The following CDCA5 variants were observed in gnomAD, a reference collection of about 807,000 sequenced individuals.
The protein encoded by CDCA5 is cell division cycle associated 5, also known as sororin.
Under a neutral mutation model 25.7 loss-of-function variants are expected in CDCA5, and 14 were observed. That is an observed-to-expected ratio of 0.54 (90% CI 0.36 to 0.85). The LOEUF is 0.85. Ranked by LOEUF, CDCA5 falls within the 40% of genes least tolerant of loss-of-function variation. The pLI is 0.01. For synonymous variants in CDCA5, 127 were observed against 128.7 expected (o/e 0.99, Z 0.09); for missense variants, 307 against 324.5 (o/e 0.95, Z 0.41).
At chr11:65,066,536 A>T (rs775379839) in intron 6 of CDCA5, 2 of 1,289,282 alleles carry the variant, frequency 1.6e-6, no homozygotes, top group East Asian at 1.1e-4. Context: ...CCCCGCTGCC[A>T]TGGCTGCCCG....
chr11:65,062,074 C>G (rs1309530296), downstream of CDCA5, among the ~76,000 whole-genome samples: 1 of 151,946 alleles, frequency 6.6e-6, no homozygotes, highest in East Asian at 2.0e-4. Context: ...GCATGCGCCA[C>G]CATGCCCAGC....
downstream of CDCA5, among the ~76,000 whole-genome samples, chr11:65,072,938 CTT>C (rs751923442): frequency 9.0e-5 from 9 of 99,958 alleles, no homozygotes; most frequent in African/African-American, 2.0e-4. Flanking sequence ...TTATTTCATT[CTT>C]TTTTTTTTTT....
At chr11:65,083,870 C>T in intron 1 of CDCA5, 63 bp downstream of exon 1, 1 of 1,605,506 alleles carries the variant, frequency 6.2e-7, no homozygotes, top group South Asian at 1.1e-5. Flanking sequence ...AAGAGGCCAT[C>T]TTTCACCGGA....
chr11:65,075,960 A>T (rs970673036), downstream of CDCA5, among the ~76,000 whole-genome samples: 1 of 152,198 alleles, frequency 6.6e-6, no homozygotes, highest in Admixed American at 6.5e-5. Context: ...CGAGCTTAGT[A>T]TGTTGGATAT....
At chr11:65,063,477 A>T (rs491465), downstream of CDCA5, among the ~76,000 whole-genome samples, 141,276 of 152,294 alleles carry the variant, frequency 0.93, 65,628 homozygotes, top group Middle Eastern at 0.97. Context: ...AAGTCCACAC[A>T]AAATCATTCA....
rs761626035 is a variant in CDCA5, at chr11:65,083,540, G to T, written c.152C>A (p.Ala51Glu). ...GACGATGGGCTTTCTGACTGCAGCC[G>T]CACTGGGTGTCTGGAGAAGAGGGAT... The part of the protein sequence containing the change: ...LPEIWPKTPS[A>E]AAVRKPIVLK... The change falls in exon 3 of 6, where the codon GCG becomes GAG. Residue 51 changes from alanine to glutamate, a missense_variant. By Grantham distance (107) the Ala-to-Glu change is moderately radical. Transcript: ENST00000275517. The T allele has an allele frequency of 6.2e-7, 1 of 1,614,200 alleles. No homozygotes were observed. The highest frequency in any genetic ancestry group is 1.7e-5 in the Admixed American group (1 of 60,024).
At position 65,077,456 on chromosome 11, in the gene CDCA5, A is replaced by G. The variant is rs1006430464; in HGVS notation, c.*1651T>C. On this transcript the variant is annotated 3_prime_UTR_variant, in exon 6 of 6. Coordinates refer to ENST00000275517, the MANE Select transcript of CDCA5 (RefSeq NM_080668.4). ...TCAATAAAAGAAACACAGTCCATGA[A>G]CAGGCAGAAACTCTTTAATCAGGCT... 1.0e-6 allele frequency: 1 copy of G among 985,442 alleles called. No homozygotes were observed. Among genetic ancestry groups the G allele is most frequent in the Non-Finnish European group, 1.2e-6 (1 of 829,922 alleles). The allele number at this position is 985,442 out of a possible 1,614,324, so 61.0% of individuals were successfully genotyped here. A position where few individuals can be genotyped will look rare whatever the true frequency, so the allele number is the denominator to read the frequency against.
downstream of CDCA5, chr11:65,077,386 GC>G (rs1221992870): frequency 1.2e-6 from 1 of 839,082 alleles, no homozygotes; most frequent in East Asian, 1.2e-4. Context: ...CCCCAGTGAT[GC>G]AGCCCACTGG....
In CDCA5 at chr11:65,077,593, C is replaced by T. The variant is rs1947472014; in HGVS notation, c.*1514G>A. 20 of 985,448 alleles carry T rather than the reference C, an allele frequency of 2.0e-5. No homozygotes were observed. The highest frequency in any genetic ancestry group is 2.2e-5 in the Non-Finnish European group (18 of 829,928). The allele number at this position is 985,448 out of a possible 1,614,324, so 61.0% of individuals were successfully genotyped here. A position where few individuals can be genotyped will look rare whatever the true frequency, so the allele number is the denominator to read the frequency against. ...CTGCATCATCTGGTGACTCCTGATT[C>T]TGCAGGACTAAGACATTTCCCAAGA... On this transcript the variant is annotated 3_prime_UTR_variant, in exon 6 of 6. Transcript: ENST00000275517.
intron 1 of CDCA5, 45 bp downstream of exon 1, chr11:65,083,888 C>T: frequency 6.2e-7 from 1 of 1,608,248 alleles, no homozygotes; most frequent in Non-Finnish European, 8.5e-7. Context: ...GGACTGCGTC[C>T]CCCAAACGGC....
Position 65,084,021 on chromosome 11 carries a change from GGC to G in CDCA5, c.-45_-44del. Reference sequence around the variant, plus strand: ...GAGCTCCTCCAGCGCCGCCGCCCCGGGCGCGCGCCAACCGGGAAGGCCACTCG... The same window carrying G: ...GAGCTCCTCCAGCGCCGCCGCCCCGGGCGCGCCAACCGGGAAGGCCACTCG... On this transcript the variant is annotated 5_prime_UTR_variant, in exon 1 of 6. Transcript: ENST00000275517. 1 of 1,587,692 alleles carries G rather than the reference GGC, an allele frequency of 6.3e-7. No individual in the cohort carries two copies. The highest frequency in any genetic ancestry group is 8.5e-7 in the Non-Finnish European group (1 of 1,170,002).
chr11:65,081,377 G>A (rs1337806354), intron 4 of CDCA5, among the ~76,000 whole-genome samples: 10 of 151,774 alleles, frequency 6.6e-5, no homozygotes, highest in Admixed American at 1.3e-4. Context: ...GCAGTGAGCC[G>A]AGATTGCGCC....
chr11:65,074,481 T>C (rs1379979130), downstream of CDCA5, among the ~76,000 whole-genome samples: 1 of 152,234 alleles, frequency 6.6e-6, no homozygotes, highest in East Asian at 1.9e-4. Flanking sequence ...TTTTGGTTAT[T>C]GTTGAATAAT....
intron 5 of CDCA5, 53 bp from the exon 6 acceptor site, chr11:65,079,240 G>A (rs1397725724): frequency 2.5e-6 from 4 of 1,576,100 alleles, no homozygotes; most frequent in African/African-American, 2.7e-5. Context: ...ATGGTGGCTG[G>A]AGCATCTCAC....
In CDCA5 at chr11:65,083,553, G is replaced by A. The variant is rs780445461; in HGVS notation, c.142-3C>T. The stretch of plus-strand genomic sequence containing the variant: ...CTGACTGCAGCCGCACTGGGTGTCT[G>A]GAGAAGAGGGATGAACGTGAGCTCA... On this transcript the variant is annotated splice_polypyrimidine_tract_variant and splice_region_variant and intron_variant, in intron 2 of 5. Coordinates refer to ENST00000275517, the MANE Select transcript of CDCA5 (RefSeq NM_080668.4). The A allele has an allele frequency of 1.9e-6, 3 of 1,614,178 alleles. No homozygotes were observed. The highest frequency in any genetic ancestry group is 2.5e-6 in the Non-Finnish European group (3 of 1,180,014).
Position 65,079,667 on chromosome 11 carries a change from C to T in CDCA5, c.364G>A (p.Ala122Thr). Residue 122 changes from alanine to threonine, a missense_variant, in exon 5 of 6, where the codon GCC (alanine) becomes ACC (threonine). Ala to Thr is a moderately conservative substitution (Grantham distance 58). Coordinates refer to ENST00000275517, the MANE Select transcript of CDCA5 (RefSeq NM_080668.4). ...TCTCCTTCCTTGGAGCTGGACTCGG[C>T]CTCAGGGTTCGGCACAGGAGTGCTG... The part of the protein sequence containing the change: ...PTSTPVPNPE[A>T]ESSSKEGELD... 1 of 1,602,212 alleles carries T rather than the reference C, an allele frequency of 6.2e-7. No homozygotes were observed. The highest frequency in any genetic ancestry group is 8.5e-7 in the Non-Finnish European group (1 of 1,173,114).
At chr11:65,077,173 G>T (rs1011811367), downstream of CDCA5, among the ~76,000 whole-genome samples, 2 of 152,158 alleles carry the variant, frequency 1.3e-5, no homozygotes, top group African/African-American at 4.8e-5. Context: ...TGTAACCCCA[G>T]CTACTTGGGA....
At chr11:65,066,964 G>A in intron 4 of CDCA5, 1 of 969,544 alleles carries the variant, frequency 1.0e-6, no homozygotes, top group Admixed American at 2.3e-5. Flanking sequence ...TCCTGCTTCA[G>A]CCACCTGGTC....
chr11:65,078,057 G>A lies in CDCA5; in HGVS notation c.*1050C>T. ...ATCCAGGCAGTGTTCTCATGTGAGA[G>A]GATAGGGAGGCCAAAAACTAAAATT... On this transcript the variant is annotated 3_prime_UTR_variant, in exon 6 of 6. Coordinates refer to ENST00000275517, the MANE Select transcript of CDCA5 (RefSeq NM_080668.4). The A allele has an allele frequency of 8.1e-6, 8 of 985,424 alleles. No individual in the cohort carries two copies. The highest frequency in any genetic ancestry group is 4.7e-5 in the South Asian group (1 of 21,290). The allele number at this position is 985,424 out of a possible 1,614,324, so 61.0% of individuals were successfully genotyped here. A position where few individuals can be genotyped will look rare whatever the true frequency, so the allele number is the denominator to read the frequency against.
Sources: allele counts gnomAD v4.1 joint callset (sites outside exome capture counted in the v4.1 genomes callset), GRCh38; gene constraint gnomAD v4.1.1; transcripts MANE v1.5; gene names NCBI Gene and HGNC (gene_info 2026-07-23, HGNC 2026-07-21).